Variants in ASTN2 observed in about 807,000 individuals in gnomAD.
The protein encoded by ASTN2 is astrotactin 2, also known as astrotactin-2.
A neutral mutation model predicts 139.8 loss-of-function variants in ASTN2; 54 were observed. The observed-to-expected ratio is 0.39, with a 90% CI of 0.31 to 0.48. ASTN2 has a LOEUF of 0.48. Among genes scored for constraint, ASTN2 ranks in the 20% least tolerant of loss-of-function variants. The pLI is 0.95. For missense variants in ASTN2, 1,565 were observed against 1,725.1 expected (o/e 0.91, Z 1.64); for synonymous variants, 756 against 719.5 (o/e 1.05, Z -0.81).
At chr9:117,244,783 G>A (rs1833329995) in intron 2 of ASTN2, among the ~76,000 whole-genome samples, 1 of 149,846 alleles carries the variant, frequency 6.7e-6, no homozygotes, top group Non-Finnish European at 1.5e-5. Flanking sequence ...AGGGAAGGAG[G>A]GATAGAGGGA....
chr9:116,780,895 A>G (rs922822507), intron 13 of ASTN2, among the ~76,000 whole-genome samples: 8 of 150,268 alleles, frequency 5.3e-5, no homozygotes, highest in Non-Finnish European at 1.2e-4. Context: ...GCTGGAGTGC[A>G]ATGGCGCGAT....
chr9:117,213,804 A>G (rs2133020543), intron 3 of ASTN2, among the ~76,000 whole-genome samples: 1 of 152,312 alleles, frequency 6.6e-6, no homozygotes, highest in Admixed American at 6.5e-5. Flanking sequence ...GACGGCAGTG[A>G]CCAGGAAGGT....
intron 11 of ASTN2, among the ~76,000 whole-genome samples, chr9:116,832,298 T>G (rs920955009): frequency 1.3e-5 from 2 of 152,176 alleles, no homozygotes; most frequent in Non-Finnish European, 2.9e-5. Flanking sequence ...TGGGTAAGTC[T>G]TATAGTCTTA....
At chr9:117,375,612 AAC>A (rs1244021118) in intron 1 of ASTN2, among the ~76,000 whole-genome samples, 1 of 152,222 alleles carries the variant, frequency 6.6e-6, no homozygotes, top group Non-Finnish European at 1.5e-5. Flanking sequence ...GAAAAAGTGA[AAC>A]ACAGCTTGCA....
chr9:116,847,406 G>T (rs1564302561), intron 11 of ASTN2, among the ~76,000 whole-genome samples: 1 of 152,108 alleles, frequency 6.6e-6, no homozygotes, highest in Non-Finnish European at 1.5e-5. Context: ...GAGCCACCGT[G>T]CCCAGCTGAG....
chr9:116,754,058 G>C (rs574530429), intron 13 of ASTN2, among the ~76,000 whole-genome samples: 1 of 146,572 alleles, frequency 6.8e-6, no homozygotes, highest in African/African-American at 2.5e-5. Flanking sequence ...GAGAACACGC[G>C]GTGTTTGGTT....
At chr9:117,060,138 C>T (rs924749950) in intron 5 of ASTN2, among the ~76,000 whole-genome samples, 17 of 151,634 alleles carry the variant, frequency 1.1e-4, no homozygotes, top group African/African-American at 4.1e-4. Flanking sequence ...TGGTGAAACC[C>T]CATCTCTACT....
intron 3 of ASTN2, among the ~76,000 whole-genome samples, chr9:117,212,117 A>G (rs966376753): frequency 6.6e-6 from 1 of 152,210 alleles, no homozygotes; most frequent in Non-Finnish European, 1.5e-5. Flanking sequence ...ATTTATTTAC[A>G]GTCTACTGAC....
chr9:116,547,903 G>A (rs1387964154), intron 19 of ASTN2, among the ~76,000 whole-genome samples: 1 of 152,068 alleles, frequency 6.6e-6, no homozygotes, highest in Admixed American at 6.5e-5. Context: ...TGCGTGGGGT[G>A]CATTCTCAGG....
At chr9:116,496,220 G>A (rs984542999) in intron 19 of ASTN2, among the ~76,000 whole-genome samples, 1 of 149,576 alleles carries the variant, frequency 6.7e-6, no homozygotes, top group Non-Finnish European at 1.5e-5. Context: ...TAAACCCTGT[G>A]AGTAAGAGAA....
At chr9:116,695,797 AGTATAT>A (rs1375693629) in intron 16 of ASTN2, among the ~76,000 whole-genome samples, 1 of 152,216 alleles carries the variant, frequency 6.6e-6, no homozygotes, top group Non-Finnish European at 1.5e-5. Context: ...CAACTTCATA[AGTATAT>A]GTATATCAAG....
chr9:117,217,736 A>G (rs1209749375), intron 2 of ASTN2, among the ~76,000 whole-genome samples: 1 of 152,202 alleles, frequency 6.6e-6, no homozygotes, highest in Non-Finnish European at 1.5e-5. Flanking sequence ...GGCACATAGT[A>G]TCATAGGTTG....
chr9:116,511,158 T>C (rs1009809284), intron 19 of ASTN2, among the ~76,000 whole-genome samples: 2 of 152,214 alleles, frequency 1.3e-5, no homozygotes, highest in African/African-American at 2.4e-5. Context: ...ATAGCTCTTA[T>C]TATTTTGAGA....
At chr9:116,501,906 C>T (rs983649023) in intron 19 of ASTN2, among the ~76,000 whole-genome samples, 2 of 151,792 alleles carry the variant, frequency 1.3e-5, no homozygotes, top group African/African-American at 4.8e-5. Flanking sequence ...GAGCCCATCC[C>T]ATTCCCCAAA....
At chr9:117,045,447 G>T (rs527799440) in intron 5 of ASTN2, among the ~76,000 whole-genome samples, 8 of 152,024 alleles carry the variant, frequency 5.3e-5, no homozygotes, top group Admixed American at 3.9e-4. Context: ...CGGGCATATT[G>T]ATTGCTGGGA....
chr9:116,734,147 A>G (rs943248386), intron 13 of ASTN2, among the ~76,000 whole-genome samples: 4 of 152,176 alleles, frequency 2.6e-5, no homozygotes, highest in Non-Finnish European at 5.9e-5. Flanking sequence ...TGACTTGCTG[A>G]ATCACAACCT....
intron 11 of ASTN2, among the ~76,000 whole-genome samples, chr9:116,842,616 A>C (rs1365602631): frequency 6.6e-6 from 1 of 152,020 alleles, no homozygotes; most frequent in African/African-American, 2.4e-5. Context: ...ATTAATGCTG[A>C]CATTGATTTG....
intron 19 of ASTN2, among the ~76,000 whole-genome samples, chr9:116,511,119 G>T: frequency 6.6e-6 from 1 of 152,250 alleles, no homozygotes; most frequent in South Asian, 2.1e-4. Flanking sequence ...TGCCCATTCA[G>T]TATGATATTG....
In ASTN2 at chr9:116,725,684, A is replaced by G. The variant is rs1828600587; in HGVS notation, c.2806+87T>C. 6 of 1,364,476 alleles carry G rather than the reference A, an allele frequency of 4.4e-6. No homozygotes were observed. In the South Asian group the frequency reaches 6.9e-5, roughly 16 times the overall value. The allele number at this position is 1,364,476 out of a possible 1,614,324, so 84.5% of individuals were successfully genotyped here. On this transcript the variant is annotated intron_variant, in intron 16 of 22. Coordinates refer to ENST00000313400, the MANE Select transcript of ASTN2 (RefSeq NM_001365068.1). ...CTTAGACGTGGCAGAGCCAGGATTTAGATCCAAGGCAGCTCAGTTGTCTCC... is the reference window on the plus strand; with the variant it reads ...CTTAGACGTGGCAGAGCCAGGATTTGGATCCAAGGCAGCTCAGTTGTCTCC...
Sources: gnomAD v4.1 joint callset for allele counts (sites outside exome capture counted in the v4.1 genomes callset) on GRCh38, gnomAD v4.1.1 for gene constraint, MANE v1.5 for transcripts, NCBI Gene and HGNC (gene_info 2026-07-23, HGNC 2026-07-21) for gene names.